PSTPIP2: variants seen among roughly 807,000 people sequenced by gnomAD.
PSTPIP2 encodes the protein proline-serine-threonine phosphatase interacting protein 2.
PSTPIP2 carries 33 observed loss-of-function variants against 63.3 expected under a neutral mutation model. The observed-to-expected ratio is 0.52, with a 90% confidence interval of 0.40 to 0.70. The LOEUF is 0.70. PSTPIP2 is among the 30% of genes least tolerant of loss of function. The pLI is 0.00. For synonymous variants in PSTPIP2, 125 were observed against 132.7 expected (o/e 0.94, Z 0.40); for missense variants, 312 against 400.7 (o/e 0.78, Z 1.89).
intron 13 of PSTPIP2, chr18:45,989,867 C>G (rs963837164): frequency 1.3e-5 from 2 of 152,496 alleles, no homozygotes; most frequent in Non-Finnish European, 2.9e-5. Flanking sequence ...GGGACACCCG[C>G]TTAGCCAGCC....
Position 45,999,530 on chromosome 18 carries a change from T to C in PSTPIP2, c.422A>G (p.Lys141Arg), listed in dbSNP as rs1235961886. 1.2e-6 allele frequency: 2 copies of C among 1,614,046 alleles called. No homozygotes were observed. Among genetic ancestry groups the C allele is most frequent in the African/African-American group, 2.7e-5 (2 of 74,918 alleles). The change falls in exon 7 of 15, where the codon AAG (lysine) becomes AGG (arginine). Residue 141 changes from lysine to arginine, a missense_variant. By Grantham distance (26) the Lys-to-Arg change is conservative. Transcript: ENST00000409746. ...SLQFKKTMDA[K>R]KNYEQKCRDK... ...CCGGCATTTCTGCTCATAGTTCTTC[T>C]TTGCCTTTGTCATTATGAACAAAGA...
chr18:46,020,919 TC>T (rs1401421312), intron 3 of PSTPIP2, among the ~76,000 whole-genome samples: 15 of 152,200 alleles, frequency 9.9e-5, no homozygotes, highest in Admixed American at 2.0e-4. Flanking sequence ...ATAAGAAATA[TC>T]ATTTCGGGTC....
At chr18:45,999,399 G>A (rs750656616) in intron 7 of PSTPIP2, 37 bp downstream of exon 7, 1 of 1,588,416 alleles carries the variant, frequency 6.3e-7, no homozygotes, top group Non-Finnish European at 8.6e-7. Context: ...ACATAGGTCA[G>A]TCTCAGATTT....
intron 1 of PSTPIP2, among the ~76,000 whole-genome samples, chr18:46,049,485 T>C: frequency 6.6e-6 from 1 of 151,940 alleles, no homozygotes; most frequent in East Asian, 1.9e-4. Flanking sequence ...AAAAAAAAGA[T>C]ATTCAAACAA....
chr18:46,070,215 C>T (rs933931160), intron 1 of PSTPIP2, among the ~76,000 whole-genome samples: 2 of 152,184 alleles, frequency 1.3e-5, no homozygotes, highest in Non-Finnish European at 1.5e-5. Context: ...TCCCAAGGGG[C>T]GGGGCCATCT....
At chr18:46,041,198 G>A (rs1333432362) in intron 1 of PSTPIP2, among the ~76,000 whole-genome samples, 2 of 152,152 alleles carry the variant, frequency 1.3e-5, no homozygotes, top group Non-Finnish European at 2.9e-5. Flanking sequence ...CATGCTCTCC[G>A]TGGTCACTGG....
At chr18:46,008,999 T>C (rs1039292520) in intron 5 of PSTPIP2, among the ~76,000 whole-genome samples, 1 of 152,090 alleles carries the variant, frequency 6.6e-6, no homozygotes, top group African/African-American at 2.4e-5. Flanking sequence ...GTGTTCCCAC[T>C]GTGTGTTCAG....
At chr18:46,013,904 A>G (rs4890614) in intron 4 of PSTPIP2, among the ~76,000 whole-genome samples, 35,636 of 152,040 alleles carry the variant, frequency 0.23, 4,948 homozygotes, top group East Asian at 0.41. Context: ...AGCCTTTACC[A>G]TTCTCAAGAA....
intron 1 of PSTPIP2, among the ~76,000 whole-genome samples, chr18:46,049,582 C>A (rs1387612816): frequency 6.6e-6 from 1 of 151,840 alleles, no homozygotes; most frequent in African/African-American, 2.4e-5. Context: ...AAAATCAATC[C>A]CATAAAAATG....
intron 14 of PSTPIP2, among the ~76,000 whole-genome samples, chr18:45,986,293 G>T (rs918449046): frequency 7.9e-5 from 12 of 152,262 alleles, no homozygotes; most frequent in Admixed American, 3.3e-4. Context: ...AACTGGCACA[G>T]ATTCCAGTGA....
At chr18:46,021,477 G>T (rs1286580296) in intron 3 of PSTPIP2, among the ~76,000 whole-genome samples, 1 of 151,056 alleles carries the variant, frequency 6.6e-6, no homozygotes, top group Non-Finnish European at 1.5e-5. Context: ...TACTAATATT[G>T]TTAGGTCTTC....
chr18:45,992,892 T>A (rs1419076502), intron 10 of PSTPIP2, among the ~76,000 whole-genome samples: 1 of 151,846 alleles, frequency 6.6e-6, no homozygotes, highest in Non-Finnish European at 1.5e-5. Context: ...CTGGCTAATT[T>A]TTTTTGCATT....
At chr18:45,994,312 G>A (rs925626318) in intron 9 of PSTPIP2, among the ~76,000 whole-genome samples, 8 of 152,140 alleles carry the variant, frequency 5.3e-5, no homozygotes, top group Admixed American at 5.2e-4. Context: ...ATACATCAGT[G>A]TATTTTTAAA....
intron 13 of PSTPIP2, 110 bp downstream of exon 13, chr18:45,990,612 T>G: frequency 1.1e-6 from 1 of 902,438 alleles, no homozygotes; most frequent in Non-Finnish European, 1.7e-6. Flanking sequence ...GTATTTTTAG[T>G]GGAGACAGGG....
intron 3 of PSTPIP2, among the ~76,000 whole-genome samples, chr18:46,018,441 C>T (rs1474726984): frequency 1.3e-5 from 2 of 151,824 alleles, no homozygotes; most frequent in Non-Finnish European, 2.9e-5. Context: ...CTGTCACCTA[C>T]GCACCCAACT....
intron 4 of PSTPIP2, among the ~76,000 whole-genome samples, chr18:46,014,910 G>C (rs928411476): frequency 1.3e-5 from 2 of 152,152 alleles, no homozygotes; most frequent in African/African-American, 2.4e-5. Context: ...TCATGTAAAA[G>C]TGATAGCTGG....
intron 1 of PSTPIP2, among the ~76,000 whole-genome samples, chr18:46,070,340 C>A (rs1473263733): frequency 2.0e-5 from 3 of 152,206 alleles, no homozygotes; most frequent in Non-Finnish European, 4.4e-5. Context: ...GCCTGGAACC[C>A]TGTCTTCACC....
intron 1 of PSTPIP2, among the ~76,000 whole-genome samples, chr18:46,050,367 C>T (rs141629801): frequency 1.4e-4 from 22 of 152,086 alleles, no homozygotes; most frequent in East Asian, 5.8e-4. Flanking sequence ...CCCAGGAGTT[C>T]GCGACAAGCC....
At chr18:46,044,148 A>G (rs1386954455) in intron 1 of PSTPIP2, among the ~76,000 whole-genome samples, 2 of 152,198 alleles carry the variant, frequency 1.3e-5, no homozygotes, top group South Asian at 2.1e-4. Flanking sequence ...CCTAAAATTT[A>G]TAAAGAATTA....
Sources: gnomAD v4.1 joint callset for allele counts (sites outside exome capture counted in the v4.1 genomes callset) on GRCh38, gnomAD v4.1.1 for gene constraint, MANE v1.5 for transcripts, NCBI Gene and HGNC (gene_info 2026-07-23, HGNC 2026-07-21) for gene names.